The following SEMA3E variants were observed in gnomAD, a reference collection of about 807,000 sequenced individuals.
SEMA3E encodes the protein semaphorin 3E, also known as semaphorin-3E.
Under a neutral mutation model 93.6 loss-of-function variants are expected in SEMA3E, and 49 were observed. The observed-to-expected ratio is 0.52, with a 90% CI of 0.42 to 0.66. The LOEUF is 0.66. SEMA3E is among the 30% of genes least tolerant of loss of function. SEMA3E has a pLI of 0.00. For missense variants in SEMA3E, 906 were observed against 964.8 expected (o/e 0.94, Z 0.81); for synonymous variants, 363 against 330.7 (o/e 1.10, Z -1.06).
At chr7:83,541,308 T>A (rs1330269745) in intron 1 of SEMA3E, among the ~76,000 whole-genome samples, 1 of 152,164 alleles carries the variant, frequency 6.6e-6, no homozygotes, top group Non-Finnish European at 1.5e-5. Flanking sequence ...TCTATCAAAA[T>A]CCTTATTTTA....
intron 2 of SEMA3E, among the ~76,000 whole-genome samples, chr7:83,486,998 T>G (rs1287857367): frequency 6.6e-6 from 1 of 152,104 alleles, no homozygotes; most frequent in African/African-American, 2.4e-5. Context: ...TGGCCACATA[T>G]CACTCTATTT....
In SEMA3E at chr7:83,392,618, G is replaced by T. The variant is rs1788040582; in HGVS notation, c.1604C>A (p.Pro535His). ...ACADCCLARD[P>H]YCAWDGISCS... Reference sequence around the variant, plus strand: ...GGATATGCCATCCCAGGCACAGTAAGGGTCTCGAGCCAGGCAGCAGTCAGC... The same window carrying T: ...GGATATGCCATCCCAGGCACAGTAATGGTCTCGAGCCAGGCAGCAGTCAGC... The change falls in exon 14 of 17, where the codon CCT (proline) becomes CAT (histidine). Residue 535 changes from proline to histidine, a missense_variant. Transcript: ENST00000643230. 1 of 1,613,894 alleles carries T rather than the reference G, an allele frequency of 6.2e-7. No homozygotes were observed. Among genetic ancestry groups the T allele is most frequent in the Non-Finnish European group, 8.5e-7 (1 of 1,179,904 alleles).
chr7:83,498,793 A>C (rs1181594018), intron 1 of SEMA3E, among the ~76,000 whole-genome samples: 1 of 152,102 alleles, frequency 6.6e-6, no homozygotes, highest in Non-Finnish European at 1.5e-5. Flanking sequence ...ATAAGAGAAT[A>C]AATTTTATGG....
chr7:83,363,483 A>C lies in SEMA3E; in HGVS notation c.*4103T>G, dbSNP rs1482883032. 1 of 152,164 alleles carries C rather than the reference A, an allele frequency of 6.6e-6. No individual in the cohort carries two copies. Among genetic ancestry groups the C allele is most frequent in the Non-Finnish European group, 1.5e-5 (1 of 68,048 alleles). 9.4% of individuals were successfully genotyped at this position (152,164 alleles called of 1,614,324 possible). ...AATAAAAGGATACCATACAGAGAAGAACACTCCCATATAGTGCTCTAGCTT... is the reference window on the plus strand; with the variant it reads ...AATAAAAGGATACCATACAGAGAAGCACACTCCCATATAGTGCTCTAGCTT... On this transcript the variant is annotated 3_prime_UTR_variant, in exon 17 of 17. Coordinates refer to ENST00000643230, the MANE Select transcript of SEMA3E (RefSeq NM_012431.3).
chr7:83,561,880 A>C (rs1177247828), intron 1 of SEMA3E, among the ~76,000 whole-genome samples: 1 of 152,160 alleles, frequency 6.6e-6, no homozygotes, highest in African/African-American at 2.4e-5. Context: ...AGTATACTAC[A>C]TAATATCTAA....
At chr7:83,493,559 C>T (rs1790425810) in intron 1 of SEMA3E, among the ~76,000 whole-genome samples, 1 of 151,634 alleles carries the variant, frequency 6.6e-6, no homozygotes, top group Admixed American at 6.6e-5. Flanking sequence ...AATTTATAAA[C>T]CTAATAAACA....
intron 1 of SEMA3E, among the ~76,000 whole-genome samples, chr7:83,588,707 T>C (rs775298766): frequency 2.6e-5 from 4 of 152,208 alleles, no homozygotes; most frequent in Non-Finnish European, 5.9e-5. Context: ...ATTTTGATCC[T>C]AAATGTTTTA....
At chr7:83,480,866 C>T (rs1008849022) in intron 2 of SEMA3E, among the ~76,000 whole-genome samples, 11 of 152,016 alleles carry the variant, frequency 7.2e-5, no homozygotes, top group African/African-American at 1.2e-4. Flanking sequence ...CTCTTCTGGT[C>T]GCATCTTGAA....
At chr7:83,595,359 A>G (rs139645290) in intron 1 of SEMA3E, among the ~76,000 whole-genome samples, 1 of 152,160 alleles carries the variant, frequency 6.6e-6, no homozygotes, top group East Asian at 1.9e-4. Context: ...TATTTACAGA[A>G]GATTTGCAGA....
intron 2 of SEMA3E, among the ~76,000 whole-genome samples, chr7:83,471,762 A>G (rs1409272603): frequency 1.3e-5 from 2 of 152,194 alleles, no homozygotes; most frequent in Admixed American, 6.5e-5. Flanking sequence ...TAAATACCAG[A>G]TCAAAAATCC....
intron 1 of SEMA3E, among the ~76,000 whole-genome samples, chr7:83,613,934 A>T (rs1001490239): frequency 6.6e-6 from 1 of 152,130 alleles, no homozygotes; most frequent in Non-Finnish European, 1.5e-5. Context: ...CTTAAAACAC[A>T]AAACAATATT....
At chr7:83,616,795 T>G in intron 1 of SEMA3E, 1 of 429,382 alleles carries the variant, frequency 2.3e-6, no homozygotes, top group Non-Finnish European at 4.6e-6. Flanking sequence ...CGTGATCTCC[T>G]CTCACTACAA....
chr7:83,636,199 A>C (rs983713549), intron 1 of SEMA3E, among the ~76,000 whole-genome samples: 25 of 152,114 alleles, frequency 1.6e-4, no homozygotes, highest in African/African-American at 6.0e-4. Context: ...ATTTACAGAT[A>C]TTTTCTGAAT....
At position 83,364,539 on chromosome 7, in the gene SEMA3E, A is replaced by C. The variant is rs998812511; in HGVS notation, c.*3047T>G. 6.6e-6 allele frequency: 1 copy of C among 152,202 alleles called. No homozygotes were observed. The highest frequency in any genetic ancestry group is 2.4e-5 in the African/African-American group (1 of 41,454). The allele number at this position is 152,202 out of a possible 1,614,324, so 9.4% of individuals were successfully genotyped here. A position where few individuals can be genotyped will look rare whatever the true frequency, so the allele number is the denominator to read the frequency against. Reference sequence around the variant, plus strand: ...TGCTCTGAAATATTCAGTAATTCACACAAAAGAAAAAATTAGCAATATAGA... The same window carrying C: ...TGCTCTGAAATATTCAGTAATTCACCCAAAAGAAAAAATTAGCAATATAGA... On this transcript the variant is annotated 3_prime_UTR_variant, in exon 17 of 17. Coordinates refer to ENST00000643230, the MANE Select transcript of SEMA3E (RefSeq NM_012431.3).
chr7:83,596,289 A>C (rs2115965164), intron 1 of SEMA3E, among the ~76,000 whole-genome samples: 1 of 151,874 alleles, frequency 6.6e-6, no homozygotes, highest in Admixed American at 6.6e-5. Context: ...TGAGCACATT[A>C]ATGCTCTAGA....
rs4016349 is a variant in SEMA3E, at chr7:83,394,582, T to TTGTCTC, written c.1459-245_1459-244insGAGACA. On this transcript the variant is annotated intron_variant, in intron 12 of 16. Transcript: ENST00000643230. ...GCAGGAAATCTAACCAGCTTACTGT[T>TTGTCTC]TGGAATATGATTTTTGAATTTGTAT... 0.57 allele frequency among the ~76,000 whole-genome samples: 86,177 copies of TTGTCTC among 151,304 alleles called. 28,164 individuals carry two copies. Among genetic ancestry groups the TTGTCTC allele is most frequent in the East Asian group, 0.85 (4,328 of 5,104 alleles).
At chr7:83,438,024 C>T (rs1584248949) in intron 4 of SEMA3E, among the ~76,000 whole-genome samples, 1 of 152,044 alleles carries the variant, frequency 6.6e-6, no homozygotes, top group Non-Finnish European at 1.5e-5. Flanking sequence ...GAGGCCACAT[C>T]AGAAAATGTC....
At chr7:83,394,923 T>C (rs1474497523) in intron 12 of SEMA3E, among the ~76,000 whole-genome samples, 2 of 152,150 alleles carry the variant, frequency 1.3e-5, no homozygotes, top group Admixed American at 6.6e-5. Flanking sequence ...GTTTTTGGAT[T>C]GTTAAGGCTA....
chr7:83,498,028 TGAA>T (rs1790522637), intron 1 of SEMA3E, among the ~76,000 whole-genome samples: 1 of 152,226 alleles, frequency 6.6e-6, no homozygotes, highest in African/African-American at 2.4e-5. Flanking sequence ...ATGATTAAGA[TGAA>T]GACATTCATG....
Sources: allele counts gnomAD v4.1 joint callset (sites outside exome capture counted in the v4.1 genomes callset), GRCh38; gene constraint gnomAD v4.1.1; transcripts MANE v1.5; gene names NCBI Gene and HGNC (gene_info 2026-07-23, HGNC 2026-07-21).